Variants in GALNT14 observed in about 807,000 individuals in gnomAD.
The protein encoded by GALNT14 is polypeptide N-acetylgalactosaminyltransferase 14.
A neutral mutation model predicts 77.5 loss-of-function variants in GALNT14; 60 were observed. That is an observed-to-expected ratio of 0.77 (90% CI 0.63 to 0.96). The LOEUF is 0.96. Ranked by LOEUF, GALNT14 falls within the 40% of genes least tolerant of loss-of-function variation. GALNT14 has a pLI of 0.00. For missense variants in GALNT14, 710 were observed against 731.0 expected, an observed-to-expected ratio of 0.97 and a Z score of 0.33; for synonymous variants, 280 against 281.7, an observed-to-expected ratio of 0.99 and a Z score of 0.06.
At chr2:31,080,407 T>A (rs880618) in intron 1 of GALNT14, among the ~76,000 whole-genome samples, 81,177 of 152,060 alleles carry the variant, frequency 0.53, 22,459 homozygotes, top group African/African-American at 0.68. Context: ...GTGTACTCTA[T>A]TTTTATTTGT....
the GALNT14 span, among the ~76,000 whole-genome samples, chr2:30,901,411 G>A: frequency 6.6e-6 from 1 of 151,964 alleles, no homozygotes; most frequent in African/African-American, 2.4e-5. Flanking sequence ...ACATAGTAGA[G>A]CATGCCTGCT....
chr2:31,120,867 T>A (rs1678376385), intron 1 of GALNT14, among the ~76,000 whole-genome samples: 1 of 152,236 alleles, frequency 6.6e-6, no homozygotes, highest in African/African-American at 2.4e-5. Flanking sequence ...TGGACACAAT[T>A]TTGAATCCTC....
chr2:31,056,644 T>C (rs1006811967), intron 1 of GALNT14, among the ~76,000 whole-genome samples: 2 of 152,096 alleles, frequency 1.3e-5, no homozygotes, highest in African/African-American at 2.4e-5. Context: ...ATAGCACTTA[T>C]AAATGCAAAA....
At chr2:30,945,147 A>T (rs561953223) in intron 7 of GALNT14, among the ~76,000 whole-genome samples, 2 of 152,142 alleles carry the variant, frequency 1.3e-5, no homozygotes, top group African/African-American at 4.8e-5. Flanking sequence ...TCCTCTACCC[A>T]CTACCACCTC....
chr2:30,957,881 C>G (rs903207480), intron 4 of GALNT14, among the ~76,000 whole-genome samples: 3 of 152,240 alleles, frequency 2.0e-5, no homozygotes, highest in African/African-American at 7.2e-5. Flanking sequence ...TACATTACTT[C>G]TGACAATGCT....
Position 30,911,251 on chromosome 2 carries a change from A to T in GALNT14, c.1501-192T>A, listed in dbSNP as rs183113236. On this transcript the variant is annotated intron_variant, in intron 14 of 14. Coordinates refer to ENST00000349752, the MANE Select transcript of GALNT14 (RefSeq NM_024572.4). ...TTGGTTTCTTTTTTTAAATTGGATT[A>T]AAAAAAGTTAAAAGCAAAATCAATA... Among the ~76,000 whole-genome samples, 1,094 of 152,234 alleles carry T rather than the reference A, an allele frequency of 7.2e-3. 20 individuals carry two copies. Among genetic ancestry groups the T allele is most frequent in the African/African-American group, 0.025 (1,034 of 41,522 alleles).
intron 8 of GALNT14, among the ~76,000 whole-genome samples, chr2:30,943,782 T>C (rs1220621029): frequency 6.6e-6 from 1 of 152,140 alleles, no homozygotes; most frequent in East Asian, 1.9e-4. Flanking sequence ...TTGGTATCTC[T>C]CCAAATAGAG....
At chr2:30,981,731 C>T (rs1669002737) in intron 2 of GALNT14, among the ~76,000 whole-genome samples, 1 of 152,056 alleles carries the variant, frequency 6.6e-6, no homozygotes, top group African/African-American at 2.4e-5. Flanking sequence ...AGTACCTAAG[C>T]CAGTTTCCGC....
chr2:31,060,185 C>G (rs902283035), intron 1 of GALNT14, among the ~76,000 whole-genome samples: 1 of 152,098 alleles, frequency 6.6e-6, no homozygotes, highest in Admixed American at 6.5e-5. Flanking sequence ...CAGCCAGGAC[C>G]GGAACCAAGG....
intron 1 of GALNT14, among the ~76,000 whole-genome samples, chr2:31,080,750 G>A (rs1331887319): frequency 2.0e-5 from 3 of 152,086 alleles, no homozygotes; most frequent in Admixed American, 2.0e-4. Flanking sequence ...AAATCACTGG[G>A]TTCTATTAAA....
chr2:31,018,706 G>A (rs1477814790), intron 1 of GALNT14, among the ~76,000 whole-genome samples: 6 of 152,136 alleles, frequency 3.9e-5, no homozygotes, highest in Admixed American at 1.3e-4. Context: ...GGAAAAGTGA[G>A]GGCTTCTGGG....
rs140552294 is a variant in GALNT14, at chr2:31,077,827, T to G, written c.129+60131A>C. 5.0e-4 allele frequency among the ~76,000 whole-genome samples: 76 copies of G among 152,330 alleles called. No individual in the cohort carries two copies. The East Asian group carries it at 0.013, about 27-fold the overall frequency. On this transcript the variant is annotated intron_variant, in intron 1 of 14. Coordinates refer to ENST00000349752, the MANE Select transcript of GALNT14 (RefSeq NM_024572.4). ...AGCCACATCACTTCCCAGTTTCCAT[T>G]GCGTGTGCATAGCTTTTCAGTCACA...
chr2:31,079,675 C>T (rs1164371587), intron 1 of GALNT14, among the ~76,000 whole-genome samples: 1 of 152,148 alleles, frequency 6.6e-6, no homozygotes, highest in Non-Finnish European at 1.5e-5. Context: ...CCTCTTCAGC[C>T]TCTTGAACAT....
rs56703340 is a variant in GALNT14 at position 30,989,583 on chromosome 2, A to ATATATATATAT, written c.299+3254_299+3255insATATATATATA. On this transcript the variant is annotated intron_variant, in intron 2 of 14. Coordinates refer to ENST00000349752, the MANE Select transcript of GALNT14 (RefSeq NM_024572.4). Reference sequence around the variant, plus strand: ...CCTTATATATATATATATATATATAAAAATATATATATTAGTAGATATATA... The same window carrying ATATATATATAT: ...CCTTATATATATATATATATATATAATATATATATATAAATATATATATTAGTAGATATATA... 9.2e-3 allele frequency among the ~76,000 whole-genome samples: 845 copies of ATATATATATAT among 91,736 alleles called. 20 individuals carry two copies. The highest frequency in any genetic ancestry group is 0.04 in the East Asian group (129 of 3,218). 60.2% of individuals were successfully genotyped at this position (91,736 alleles called of 152,430 possible).
At chr2:30,965,455 G>A (rs918699205) in intron 3 of GALNT14, among the ~76,000 whole-genome samples, 5 of 151,726 alleles carry the variant, frequency 3.3e-5, no homozygotes, top group African/African-American at 9.7e-5. Context: ...AGGGGAGGGC[G>A]GGCATGGGGG....
intron 1 of GALNT14, among the ~76,000 whole-genome samples, chr2:31,115,770 G>A (rs1361896942): frequency 6.6e-6 from 1 of 152,148 alleles, no homozygotes; most frequent in East Asian, 1.9e-4. Context: ...AATTTACTAG[G>A]CTGCTGCCAG....
intron 1 of GALNT14, among the ~76,000 whole-genome samples, chr2:31,011,606 G>A (rs1671034961): frequency 6.6e-6 from 1 of 152,166 alleles, no homozygotes; most frequent in South Asian, 2.1e-4. Context: ...GGCCACAGGA[G>A]GCACCTGGCT....
At chr2:30,960,064 A>T (rs1484487366) in intron 3 of GALNT14, among the ~76,000 whole-genome samples, 2 of 152,196 alleles carry the variant, frequency 1.3e-5, no homozygotes, top group African/African-American at 4.8e-5. Flanking sequence ...TGAAGCCTTG[A>T]TTCTCACCAT....
chr2:30,919,752 G>A (rs1022966626), intron 13 of GALNT14, among the ~76,000 whole-genome samples: 2 of 152,216 alleles, frequency 1.3e-5, no homozygotes, highest in African/African-American at 4.8e-5. Context: ...AGTTGGGAGT[G>A]ACCCAGCTTG....
Sources: gnomAD v4.1 joint callset for allele counts (sites outside exome capture counted in the v4.1 genomes callset) on GRCh38, gnomAD v4.1.1 for gene constraint, MANE v1.5 for transcripts, NCBI Gene and HGNC (gene_info 2026-07-23, HGNC 2026-07-21) for gene names.